TUSC3: variants seen among roughly 807,000 people sequenced by gnomAD.
TUSC3 encodes the protein tumor suppressor candidate 3, also known as dolichyl-diphosphooligosaccharide--protein glycosyltransferase subunit TUSC3.
A neutral mutation model predicts 44.8 loss-of-function variants in TUSC3; 45 were observed. The observed-to-expected ratio is 1.00, with a 90% CI of 0.79 to 1.29. The LOEUF (loss-of-function observed/expected upper bound fraction) is 1.29. Among genes scored for constraint, TUSC3 ranks in the 50% most tolerant of loss-of-function variants. TUSC3 has a pLI of 0.00. For missense variants in TUSC3, 519 were observed against 437.9 expected, an observed-to-expected ratio of 1.19 and a Z score of -1.65; for synonymous variants, 212 against 152.9, an observed-to-expected ratio of 1.39 and a Z score of -2.85.
the TUSC3 span, among the ~76,000 whole-genome samples, chr8:15,785,988 A>C: frequency 2.0e-5 from 3 of 152,238 alleles, 1 homozygote; most frequent in South Asian, 6.2e-4. Flanking sequence ...AATTTAACTT[A>C]AATAGGAATT....
chr8:15,680,942 A>G (rs1178846269), intron 6 of TUSC3, among the ~76,000 whole-genome samples: 1 of 152,054 alleles, frequency 6.6e-6, no homozygotes, highest in Non-Finnish European at 1.5e-5. Context: ...CCTTGATTAT[A>G]GTGAATTAAA....
chr8:15,637,389 C>G (rs1000990761), intron 2 of TUSC3, among the ~76,000 whole-genome samples: 5 of 152,072 alleles, frequency 3.3e-5, no homozygotes, highest in African/African-American at 1.2e-4. Context: ...TTGAAACATA[C>G]TGGTTTCCTG....
chr8:15,743,071 C>T (rs1360893817), intron 7 of TUSC3, among the ~76,000 whole-genome samples: 1 of 152,144 alleles, frequency 6.6e-6, no homozygotes, highest in Admixed American at 6.5e-5. Flanking sequence ...CCCAGATTTT[C>T]AAGTGACATG....
At chr8:15,505,316 C>T (rs1045234703) in intron 2 of TUSC3, among the ~76,000 whole-genome samples, 1 of 152,200 alleles carries the variant, frequency 6.6e-6, no homozygotes. Context: ...ACCCAGAATG[C>T]TGTTCTGATG....
intron 6 of TUSC3, among the ~76,000 whole-genome samples, chr8:15,716,691 A>G (rs905577398): frequency 6.6e-6 from 1 of 152,154 alleles, no homozygotes; most frequent in East Asian, 1.9e-4. Flanking sequence ...AAGAAACTTC[A>G]TTTACAAAAA....
chr8:15,641,274 T>A (rs1200091843), intron 2 of TUSC3, among the ~76,000 whole-genome samples: 1 of 148,840 alleles, frequency 6.7e-6, no homozygotes, highest in African/African-American at 2.5e-5. Flanking sequence ...GGCAGGAGAA[T>A]CACTTGAACC....
At chr8:15,452,484 G>T (rs1347702095) in intron 1 of TUSC3, among the ~76,000 whole-genome samples, 1 of 152,072 alleles carries the variant, frequency 6.6e-6, no homozygotes, top group East Asian at 1.9e-4. Flanking sequence ...TATCTCCTTA[G>T]TTTCTGCAAC....
intron 2 of TUSC3, among the ~76,000 whole-genome samples, chr8:15,627,036 C>G (rs1376354557): frequency 6.6e-6 from 1 of 152,000 alleles, no homozygotes; most frequent in Non-Finnish European, 1.5e-5. Flanking sequence ...GTACTTTTTC[C>G]TACTCTCACC....
At position 15,448,117 on chromosome 8, in the gene TUSC3, A is replaced by ATATATATATATATATTTATT. The variant is rs1276079521; in HGVS notation, n.91+30815_91+30816insATATATATATATTTATTTAT. Reference sequence around the variant, plus strand: ...TATGGTAGTGTATATACATATATATATATTTATTTATTTATTTTTTAGATG... The same window carrying ATATATATATATATATTTATT: ...TATGGTAGTGTATATACATATATATATATATATATATATATTTATTTATTTATTTATTTATTTTTTAGATG... On this transcript the variant is annotated intron_variant and non_coding_transcript_variant, in intron 1 of 5. Coordinates refer to the TUSC3 transcript ENST00000503191. 6.3e-4 allele frequency among the ~76,000 whole-genome samples: 59 copies of ATATATATATATATATTTATT among 93,732 alleles called. 2 individuals carry two copies. The highest frequency in any genetic ancestry group is 2.0e-3 in the South Asian group (5 of 2,496). The allele number at this position is 93,732 out of a possible 152,430, so 61.5% of individuals were successfully genotyped here. A position where few individuals can be genotyped will look rare whatever the true frequency, so the allele number is the denominator to read the frequency against.
the TUSC3 span, among the ~76,000 whole-genome samples, chr8:15,793,696 T>G: frequency 6.6e-6 from 1 of 152,224 alleles, no homozygotes; most frequent in Admixed American, 6.5e-5. Context: ...AGGGCAGGAT[T>G]TTTTATTAAT....
the TUSC3 span, among the ~76,000 whole-genome samples, chr8:15,851,563 C>G: frequency 1.3e-5 from 2 of 152,092 alleles, no homozygotes; most frequent in Non-Finnish European, 2.9e-5. Context: ...ATAACTTGAC[C>G]AAGACATGGG....
chr8:15,693,441 CTTTTTTTT>C (rs35915071), intron 6 of TUSC3, among the ~76,000 whole-genome samples: 8 of 96,898 alleles, frequency 8.3e-5, no homozygotes, highest in South Asian at 8.2e-4. Flanking sequence ...GTTGGAAGTT[CTTTTTTTT>C]TTTTTTTTTT....
chr8:15,692,658 G>C (rs1475718229), intron 6 of TUSC3, among the ~76,000 whole-genome samples: 2 of 140,914 alleles, frequency 1.4e-5, no homozygotes, highest in Non-Finnish European at 3.3e-5. Flanking sequence ...TAGTTTCTGA[G>C]GGCTTTTTTT....
At chr8:15,511,626 T>G (rs1290550880) in intron 2 of TUSC3, among the ~76,000 whole-genome samples, 1 of 152,142 alleles carries the variant, frequency 6.6e-6, no homozygotes, top group Non-Finnish European at 1.5e-5. Context: ...TTCCAGCACT[T>G]TGGGAGGCCA....
At chr8:15,502,200 C>T (rs909141379) in intron 2 of TUSC3, among the ~76,000 whole-genome samples, 4 of 152,124 alleles carry the variant, frequency 2.6e-5, no homozygotes, top group South Asian at 4.1e-4. Context: ...TCTTTCTTTG[C>T]GCAAGTTTTT....
At chr8:15,615,852 A>T (rs1052493224) in intron 1 of TUSC3, among the ~76,000 whole-genome samples, 6 of 152,190 alleles carry the variant, frequency 3.9e-5, no homozygotes, top group African/African-American at 1.4e-4. Context: ...AAATGAAGAG[A>T]GGCTGGTTAA....
intron 2 of TUSC3, among the ~76,000 whole-genome samples, chr8:15,624,446 G>C (rs1380469565): frequency 1.3e-5 from 2 of 152,178 alleles, no homozygotes; most frequent in Non-Finnish European, 2.9e-5. Context: ...AGTGTGTTTA[G>C]TTGCTGCTTA....
At chr8:15,807,259 T>G in the TUSC3 span, 3 of 620,284 alleles carry the variant, frequency 4.8e-6, no homozygotes, top group Non-Finnish European at 8.8e-6. Flanking sequence ...TCTTCCATCT[T>G]TGCTTGTCTA....
intron 6 of TUSC3, among the ~76,000 whole-genome samples, chr8:15,683,303 C>A (rs1305107041): frequency 6.6e-6 from 1 of 152,186 alleles, no homozygotes; most frequent in Non-Finnish European, 1.5e-5. Flanking sequence ...GGTTGTTTTA[C>A]ACAATCTCTT....
Sources: allele counts gnomAD v4.1 joint callset (sites outside exome capture counted in the v4.1 genomes callset), GRCh38; gene constraint gnomAD v4.1.1; transcripts MANE v1.5; gene names NCBI Gene and HGNC (gene_info 2026-07-23, HGNC 2026-07-21).